Variants in LINGO2 observed in about 807,000 individuals in gnomAD.
The protein encoded by LINGO2 is leucine-rich repeat and immunoglobulin-like domain-containing nogo receptor-interacting protein 2.
Under a neutral mutation model 30.6 loss-of-function variants are expected in LINGO2, and 14 were observed. That is an observed-to-expected ratio of 0.46 (90% CI 0.30 to 0.72). The LOEUF is 0.72. Among genes scored for constraint, LINGO2 ranks in the 30% least tolerant of loss-of-function variants. The pLI is 0.07. For synonymous variants in LINGO2, 317 were observed against 288.5 expected (o/e 1.10, Z -1.00); for missense variants, 729 against 751.7 (o/e 0.97, Z 0.35).
intron 4 of LINGO2, among the ~76,000 whole-genome samples, chr9:28,242,999 G>C (rs1458586230): frequency 6.6e-6 from 1 of 152,048 alleles, no homozygotes; most frequent in South Asian, 2.1e-4. Flanking sequence ...GGAAAAACCA[G>C]TACTAGCCAC....
At chr9:29,077,358 C>T in the LINGO2 span, among the ~76,000 whole-genome samples, 1 of 151,960 alleles carries the variant, frequency 6.6e-6, no homozygotes, top group Non-Finnish European at 1.5e-5. Flanking sequence ...AAATGTGCTG[C>T]ATGCAAGGTA....
chr9:28,090,724 G>A (rs912064623), intron 4 of LINGO2, among the ~76,000 whole-genome samples: 3 of 152,210 alleles, frequency 2.0e-5, no homozygotes, highest in African/African-American at 7.2e-5. Flanking sequence ...GGGCAATTAG[G>A]GAGGAGAAAG....
rs532946442 is a variant in LINGO2 at position 28,488,683 on chromosome 9, T to C, written c.-364-12658A>G. ...TTTGGAACATAATGAGTCACATATG[T>C]AGTTATTTTTAATTTTGCAAATATT... is the stretch of plus-strand genomic sequence containing the variant. On this transcript the variant is annotated intron_variant, in intron 1 of 5. Transcript: ENST00000379992. 6.8e-4 allele frequency among the ~76,000 whole-genome samples: 104 copies of C among 152,282 alleles called. 1 individual carries two copies. Among genetic ancestry groups the C allele is most frequent in the African/African-American group, 2.4e-3 (99 of 41,574 alleles).
intron 4 of LINGO2, among the ~76,000 whole-genome samples, chr9:28,031,055 C>G (rs961222099): frequency 2.0e-5 from 3 of 152,040 alleles, no homozygotes; most frequent in South Asian, 2.1e-4. Flanking sequence ...AATATTGATT[C>G]TATAATAATT....
chr9:28,290,416 C>G (rs972812563), intron 4 of LINGO2, among the ~76,000 whole-genome samples: 1 of 152,176 alleles, frequency 6.6e-6, no homozygotes, highest in Non-Finnish European at 1.5e-5. Flanking sequence ...CCTGCTCTCT[C>G]CAGCAACGCT....
chr9:28,932,373 T>A, the LINGO2 span, among the ~76,000 whole-genome samples: 1 of 152,150 alleles, frequency 6.6e-6, no homozygotes, highest in Non-Finnish European at 1.5e-5. Context: ...CTGTCCCTTG[T>A]CCATCTGATC....
chr9:29,090,393 C>T, the LINGO2 span, among the ~76,000 whole-genome samples: 12 of 151,968 alleles, frequency 7.9e-5, no homozygotes, highest in African/African-American at 2.4e-4. Context: ...CTCCTTTTCA[C>T]GAACCCTCTG....
chr9:28,095,286 G>A (rs72724975), intron 4 of LINGO2, among the ~76,000 whole-genome samples: 2,011 of 152,110 alleles, frequency 0.013, 25 homozygotes, highest in Middle Eastern at 0.02. Flanking sequence ...ACAGTTCGCC[G>A]TATCCCAACT....
intron 1 of LINGO2, among the ~76,000 whole-genome samples, chr9:28,476,566 C>T (rs544882390): frequency 2.0e-4 from 30 of 152,324 alleles, no homozygotes; most frequent in South Asian, 1.0e-3. Flanking sequence ...TGAGCCACCG[C>T]GCCCGGCCTA....
At chr9:27,969,772 T>C (rs1260270830) in intron 5 of LINGO2, among the ~76,000 whole-genome samples, 1 of 152,058 alleles carries the variant, frequency 6.6e-6, no homozygotes, top group Non-Finnish European at 1.5e-5. Flanking sequence ...TCCTATCCCT[T>C]TAACAGAATA....
chr9:28,794,637 C>T, the LINGO2 span, among the ~76,000 whole-genome samples: 56 of 152,182 alleles, frequency 3.7e-4, no homozygotes, highest in African/African-American at 1.3e-3. Flanking sequence ...ATGTGTTCTA[C>T]GTGTTTTCTT....
intron 2 of LINGO2, among the ~76,000 whole-genome samples, chr9:28,439,895 C>G (rs1035422980): frequency 6.6e-6 from 1 of 152,138 alleles, no homozygotes; most frequent in African/African-American, 2.4e-5. Flanking sequence ...CCTTCCCTCC[C>G]ATGGGGTTGA....
chr9:28,581,378 C>A (rs1422447820), intron 1 of LINGO2, among the ~76,000 whole-genome samples: 1 of 151,800 alleles, frequency 6.6e-6, no homozygotes, highest in Non-Finnish European at 1.5e-5. Flanking sequence ...CAATGACTGA[C>A]TGCACTGTTT....
At chr9:28,375,434 C>A (rs1360001362) in intron 2 of LINGO2, among the ~76,000 whole-genome samples, 5 of 152,296 alleles carry the variant, frequency 3.3e-5, no homozygotes, top group Admixed American at 2.6e-4. Context: ...CCTTGTTTAG[C>A]ACCAAGATCT....
chr9:29,065,134 G>C, the LINGO2 span, among the ~76,000 whole-genome samples: 91 of 152,198 alleles, frequency 6.0e-4, 1 homozygote, highest in African/African-American at 2.1e-3. Flanking sequence ...TCAGTCAACA[G>C]CACATACAGC....
At chr9:28,730,401 G>A in the LINGO2 span, among the ~76,000 whole-genome samples, 2 of 152,142 alleles carry the variant, frequency 1.3e-5, no homozygotes, top group Non-Finnish European at 2.9e-5. Flanking sequence ...ACATCAAAAG[G>A]ATGATCTACA....
the LINGO2 span, among the ~76,000 whole-genome samples, chr9:28,821,319 CAGA>C: frequency 6.6e-6 from 1 of 152,092 alleles, no homozygotes; most frequent in Admixed American, 6.6e-5. Context: ...GAGTTTCCAA[CAGA>C]AGGAGTAGGA....
At chr9:29,150,099 C>G in the LINGO2 span, among the ~76,000 whole-genome samples, 1 of 152,134 alleles carries the variant, frequency 6.6e-6, no homozygotes, top group African/African-American at 2.4e-5. Flanking sequence ...GAGTAGGAGC[C>G]CGTGTGCTGG....
intron 1 of LINGO2, among the ~76,000 whole-genome samples, chr9:28,570,984 T>C (rs1229834052): frequency 6.6e-6 from 1 of 150,970 alleles, no homozygotes; most frequent in Non-Finnish European, 1.5e-5. Context: ...AAAAAAAGAA[T>C]AAGAAAAATA....
Sources: allele counts gnomAD v4.1 joint callset (sites outside exome capture counted in the v4.1 genomes callset), GRCh38; gene constraint gnomAD v4.1.1; transcripts MANE v1.5; gene names NCBI Gene and HGNC (gene_info 2026-07-23, HGNC 2026-07-21).